RGS10: variants seen among roughly 807,000 people sequenced by gnomAD.
RGS10 encodes regulator of G-protein signalling 10.
RGS10 carries 11 observed loss-of-function variants against 23.5 expected under a neutral mutation model. That is an observed-to-expected ratio of 0.47 (90% CI 0.29 to 0.77). The LOEUF is 0.77. Ranked by LOEUF, RGS10 falls within the 30% of genes least tolerant of loss-of-function variation. RGS10 has a pLI of 0.08. For synonymous variants in RGS10, 77 were observed against 83.2 expected, an observed-to-expected ratio of 0.92 and a Z score of 0.41; for missense variants, 180 against 226.3, an observed-to-expected ratio of 0.80 and a Z score of 1.31.
chr10:119,503,754 A>C (rs909509798), intron 4 of RGS10, among the ~76,000 whole-genome samples: 1 of 152,050 alleles, frequency 6.6e-6, no homozygotes, highest in African/African-American at 2.4e-5. Flanking sequence ...CGTAGACCAC[A>C]CCTTCTCCCT....
At chr10:119,521,622 GAAAGA>G (rs771833809) in intron 3 of RGS10, among the ~76,000 whole-genome samples, 14 of 26,000 alleles carry the variant, frequency 5.4e-4, no homozygotes, top group East Asian at 5.1e-3. Context: ...AGGAAGGAAG[GAAAGA>G]AAGGAAGGAA....
At position 119,500,148 on chromosome 10, in the gene RGS10, C is replaced by A. The variant is rs367914663; in HGVS notation, c.511G>T (p.Ala171Ser). 6.2e-7 allele frequency: 1 copy of A among 1,613,946 alleles called. No homozygotes were observed. The highest frequency in any genetic ancestry group is 1.3e-5 in the African/African-American group (1 of 75,032). ...EEEDLPDAQT[A>S]AKRASRIYNT is the part of the protein sequence containing the mutation. ...TAAATTCTGGAAGCTCTTTTAGCTG[C>A]AGTTTGAGCATCAGGCAAATCTTCT... Residue 171 changes from alanine to serine, a missense_variant, in exon 5 of 5, where the codon GCA (alanine) becomes TCA (serine). Transcript: ENST00000369103.
At chr10:119,511,612 G>A (rs1304142853) in intron 4 of RGS10, among the ~76,000 whole-genome samples, 1 of 152,002 alleles carries the variant, frequency 6.6e-6, no homozygotes, top group East Asian at 1.9e-4. Context: ...GAACAGGACT[G>A]TCTCCAAAAA....
At position 119,518,834 on chromosome 10, in the gene RGS10, A is replaced by T. The variant is rs145370034; in HGVS notation, c.256-3182T>A. On this transcript the variant is annotated intron_variant, in intron 3 of 4. Transcript: ENST00000369103. Reference sequence around the variant, plus strand: ...ATTCTCCTGCTTCAACCTCCCAAGTAGCTGGGATTACAGGAGTCCGCCACC... The same window carrying T: ...ATTCTCCTGCTTCAACCTCCCAAGTTGCTGGGATTACAGGAGTCCGCCACC... Among the ~76,000 whole-genome samples the T allele has an allele frequency of 5.0e-3, 762 of 151,910 alleles. 9 individuals carry two copies. Among genetic ancestry groups the T allele is most frequent in the African/African-American group, 0.018 (735 of 41,424 alleles).
At chr10:119,531,787 A>G (rs1844331577) in intron 1 of RGS10, among the ~76,000 whole-genome samples, 1 of 152,176 alleles carries the variant, frequency 6.6e-6, no homozygotes, top group Non-Finnish European at 1.5e-5. Flanking sequence ...TGTCTGCAGA[A>G]TCCCAGGGCT....
intron 3 of RGS10, among the ~76,000 whole-genome samples, chr10:119,521,960 G>A (rs3009917): frequency 0.93 from 140,901 of 152,202 alleles, 65,363 homozygotes; most frequent in Middle Eastern, 0.97. Flanking sequence ...CTGTGTTTTG[G>A]GCTCTTCTCT....
At chr10:119,506,905 T>G (rs546328350) in intron 4 of RGS10, among the ~76,000 whole-genome samples, 1 of 152,164 alleles carries the variant, frequency 6.6e-6, no homozygotes, top group Non-Finnish European at 1.5e-5. Context: ...TTCACCATGT[T>G]AGCCAGGCTG....
Position 119,538,540 on chromosome 10 carries a change from C to A in RGS10, c.49+4050G>T, listed in dbSNP as rs1040523535. Among the ~76,000 whole-genome samples the A allele has an allele frequency of 2.6e-5, 4 of 152,120 alleles. No homozygotes were observed. The highest frequency in any genetic ancestry group is 9.7e-5 in the African/African-American group (4 of 41,408). ...CAGAGGGAGTATTGTCCAGTCCCTC[C>A]AGGGGTAGAGTAGGGAGCAGGAAAA... is the stretch of plus-strand genomic sequence containing the variant. On this transcript the variant is annotated intron_variant, in intron 1 of 4. Coordinates refer to ENST00000369103, the MANE Select transcript of RGS10 (RefSeq NM_001005339.2). The surrounding 1 kb of genome is among the most constrained non-coding windows in gnomAD (Gnocchi z 4.5).
intron 1 of RGS10, chr10:119,536,382 A>C: frequency 7.6e-7 from 1 of 1,311,526 alleles, no homozygotes; most frequent in Non-Finnish European, 1.1e-6. Flanking sequence ...CTCACAGCAC[A>C]CTCTTCCCAG....
Position 119,499,920 on chromosome 10 carries a change from T to G in RGS10, c.*193A>C. On this transcript the variant is annotated 3_prime_UTR_variant, in exon 5 of 5. Coordinates refer to ENST00000369103, the MANE Select transcript of RGS10 (RefSeq NM_001005339.2). ...TTGTAAACTAAAACTTCCAAGTTAT[T>G]ATTATTCTTTTTTTATGTTAGCTTA... 1.9e-6 allele frequency: 1 copy of G among 529,666 alleles called. No individual in the cohort carries two copies. The highest frequency in any genetic ancestry group is 3.2e-5 in the East Asian group (1 of 31,416). The allele number at this position is 529,666 out of a possible 1,614,324, so 32.8% of individuals were successfully genotyped here. A position where few individuals can be genotyped will look rare whatever the true frequency, so the allele number is the denominator to read the frequency against.
chr10:119,513,734 G>A (rs1268308389), intron 4 of RGS10, among the ~76,000 whole-genome samples: 1 of 152,166 alleles, frequency 6.6e-6, no homozygotes, highest in Non-Finnish European at 1.5e-5. Context: ...TGGGAAGTGG[G>A]ATGACCTGCA....
intron 1 of RGS10, among the ~76,000 whole-genome samples, chr10:119,534,331 G>T (rs1844363311): frequency 6.7e-6 from 1 of 149,686 alleles, no homozygotes. Context: ...TGTGGCTCAT[G>T]TCTGTAATCC....
chr10:119,525,993 C>T, intron 3 of RGS10, 39 bp downstream of exon 3: 1 of 1,202,084 alleles, frequency 8.3e-7, no homozygotes, highest in Non-Finnish European at 1.2e-6. Flanking sequence ...GCAGTTGTAA[C>T]TTTATAAGGG....
At chr10:119,516,635 C>T (rs188293956) in intron 3 of RGS10, 59 of 152,376 alleles carry the variant, frequency 3.9e-4, no homozygotes, top group Middle Eastern at 3.4e-3. Context: ...GCTGCCCGCC[C>T]TCAAGTCCCG....
At chr10:119,520,687 T>C (rs1177202944) in intron 3 of RGS10, among the ~76,000 whole-genome samples, 1 of 151,768 alleles carries the variant, frequency 6.6e-6, no homozygotes, top group Non-Finnish European at 1.5e-5. Flanking sequence ...ATATGTTTAG[T>C]TCAGGAACAT....
intron 3 of RGS10, among the ~76,000 whole-genome samples, chr10:119,521,712 G>A (rs2133953966): frequency 1.7e-5 from 1 of 57,550 alleles, no homozygotes; most frequent in Non-Finnish European, 3.9e-5. Context: ...TCCCAGAGAG[G>A]GAAAAAAAGA....
At chr10:119,519,388 TC>T (rs1844184792) in intron 3 of RGS10, among the ~76,000 whole-genome samples, 1 of 128,998 alleles carries the variant, frequency 7.8e-6, no homozygotes, top group African/African-American at 3.1e-5. Context: ...CCTGTATCTG[TC>T]CCCCAGCTCC....
intron 4 of RGS10, among the ~76,000 whole-genome samples, chr10:119,506,905 T>C (rs546328350): frequency 6.6e-6 from 1 of 152,282 alleles, no homozygotes; most frequent in Non-Finnish European, 1.5e-5. Flanking sequence ...TTCACCATGT[T>C]AGCCAGGCTG....
rs941230787 is a variant in RGS10, at chr10:119,524,953, C to T, written c.255+1079G>A. 5.9e-5 allele frequency among the ~76,000 whole-genome samples: 9 copies of T among 152,190 alleles called. No individual in the cohort carries two copies. The highest frequency in any genetic ancestry group is 1.3e-4 in the Admixed American group (2 of 15,276). ...CATTTTCCAAGCAGTTGTCTGCAAA[C>T]GCTTCACGGCTTCTGGCCCATAGAT... On this transcript the variant is annotated intron_variant, in intron 3 of 4. Transcript: ENST00000369103. This position sits in a 1 kb window ranked among gnomAD's most constrained non-coding sequence, Gnocchi z 5.2.
Sources: gnomAD v4.1 joint callset for allele counts (sites outside exome capture counted in the v4.1 genomes callset) on GRCh38, gnomAD v4.1.1 for gene constraint, Gnocchi (gnomAD v3.1) non-coding constraint, MANE v1.5 for transcripts, NCBI Gene and HGNC (gene_info 2026-07-23, HGNC 2026-07-21) for gene names.